C1RL: variants seen among roughly 807,000 people sequenced by gnomAD.
The protein encoded by C1RL is complement C1r subcomponent like.
Under a neutral mutation model 27.9 loss-of-function variants are expected in C1RL, and 27 were observed. The observed-to-expected ratio is 0.97, with a 90% CI of 0.71 to 1.33. The LOEUF (loss-of-function observed/expected upper bound fraction) is 1.33. C1RL is among the 40% of genes most tolerant of loss of function. The probability of loss-of-function intolerance (pLI) is 0.00; values close to 1 mark genes in which losing one functional copy is unlikely to be tolerated. For missense variants in C1RL, 563 were observed against 623.9 expected, an observed-to-expected ratio of 0.90 and a Z score of 1.04; for synonymous variants, 248 against 252.1, an observed-to-expected ratio of 0.98 and a Z score of 0.15.
In C1RL at chr12:7,096,358, T is replaced by G; in HGVS notation, c.*33A>C. ...GCCCTCTGTTGCCTGGGGCCTCCACTGTGCTGGTCAGTCCCTGTTCAAGCC... is the reference window on the plus strand; with the variant it reads ...GCCCTCTGTTGCCTGGGGCCTCCACGGTGCTGGTCAGTCCCTGTTCAAGCC... On this transcript the variant is annotated 3_prime_UTR_variant, in exon 6 of 6. Coordinates refer to ENST00000266542, the MANE Select transcript of C1RL (RefSeq NM_016546.4). 7.8e-7 allele frequency: 1 copy of G among 1,275,242 alleles called. No individual in the cohort carries two copies. The highest frequency in any genetic ancestry group is 1.0e-6 in the Non-Finnish European group (1 of 983,494). The allele number at this position is 1,275,242 out of a possible 1,614,324, so 79.0% of individuals were successfully genotyped here. A position where few individuals can be genotyped will look rare whatever the true frequency, so the allele number is the denominator to read the frequency against.
In C1RL at chr12:7,095,510, C is replaced by T. The variant is rs528410196; in HGVS notation, c.*881G>A. The T allele has an allele frequency of 5.0e-5, 49 of 987,554 alleles. No homozygotes were observed. The Admixed American group carries it at 1.1e-3, about 22-fold the overall frequency. 61.2% of individuals were successfully genotyped at this position (987,554 alleles called of 1,614,324 possible). The stretch of plus-strand genomic sequence containing the variant: ...GGCACAGGTGGGGTGTCTGCAAGAA[C>T]TTCAGTCCAGTGCTGGGCTCACCTG... On this transcript the variant is annotated 3_prime_UTR_variant, in exon 6 of 6. Coordinates refer to ENST00000266542, the MANE Select transcript of C1RL (RefSeq NM_016546.4).
rs376313967 is a variant in C1RL, at chr12:7,096,629, C to T, written c.1226G>A (p.Arg409Lys). The change falls in exon 6 of 6, where the codon AGA becomes AAA. Residue 409 changes from arginine to lysine, a missense_variant. By Grantham distance (26) the Arg-to-Lys change is conservative (BLOSUM62 2). Coordinates refer to ENST00000266542, the MANE Select transcript of C1RL (RefSeq NM_016546.4). Reference sequence around the variant, plus strand: ...GTCAGAAAACACCTCGGGTCTCTGTCTCTTTTGGAGCCAGGCGTTGCAGGC... The same window carrying T: ...GTCAGAAAACACCTCGGGTCTCTGTTTCTTTTGGAGCCAGGCGTTGCAGGC... ...REACNAWLQKRQRPEVFSDNM... is the reference protein window; with the variant it reads ...REACNAWLQKKQRPEVFSDNM... 1.4e-5 allele frequency: 22 copies of T among 1,614,018 alleles called. No homozygotes were observed. The African/African-American group carries it at 2.9e-4, about 22-fold the overall frequency.
intron 2 of C1RL, among the ~76,000 whole-genome samples, chr12:7,106,710 A>G (rs528017546): frequency 3.3e-5 from 5 of 152,242 alleles, no homozygotes; most frequent in Non-Finnish European, 7.3e-5. Context: ...AAGCAAAACA[A>G]AAACAAACAC....
intron 2 of C1RL, among the ~76,000 whole-genome samples, chr12:7,105,269 C>CT (rs146287089): frequency 7.6e-4 from 112 of 147,666 alleles, no homozygotes; most frequent in African/African-American, 1.5e-3. Flanking sequence ...GTGCTCCACT[C>CT]TTTTTTTTTT....
At position 7,096,002 on chromosome 12, in the gene C1RL, A is replaced by G; in HGVS notation, c.*389T>C. On this transcript the variant is annotated 3_prime_UTR_variant, in exon 6 of 6. Coordinates refer to ENST00000266542, the MANE Select transcript of C1RL (RefSeq NM_016546.4). ...ATGCAATGAAAACCCCTTCCTCCAT[A>G]CTCTAATAGCGGGTGAGTAGCTGAC... 2 of 1,009,166 alleles carry G rather than the reference A, an allele frequency of 2.0e-6. No individual in the cohort carries two copies. Among genetic ancestry groups the G allele is most frequent in the Non-Finnish European group, 2.4e-6 (2 of 846,708 alleles). 62.5% of individuals were successfully genotyped at this position (1,009,166 alleles called of 1,614,324 possible).
chr12:7,094,996 C>T lies in C1RL; in HGVS notation c.*1395G>A. On this transcript the variant is annotated 3_prime_UTR_variant, in exon 6 of 6. Coordinates refer to ENST00000266542, the MANE Select transcript of C1RL (RefSeq NM_016546.4). ...TTTAGAGATAAATTTAACCTTTGAC[C>T]ATATAGCAACTTGACTCTTGATGCT... 1 of 1,108,952 alleles carries T rather than the reference C, an allele frequency of 9.0e-7. No homozygotes were observed. Among genetic ancestry groups the T allele is most frequent in the Non-Finnish European group, 1.1e-6 (1 of 901,212 alleles). 68.7% of individuals were successfully genotyped at this position (1,108,952 alleles called of 1,614,324 possible). A position where few individuals can be genotyped will look rare whatever the true frequency, so the allele number is the denominator to read the frequency against.
chr12:7,101,718 C>T, intron 3 of C1RL, 180 bp downstream of exon 3: 1 of 622,126 alleles, frequency 1.6e-6, no homozygotes, highest in Non-Finnish European at 2.8e-6. Flanking sequence ...GCTGGGGGCT[C>T]AGCTACGGCT....
At position 7,104,624 on chromosome 12, in the gene C1RL, T is replaced by C. The variant is rs566457331; in HGVS notation, c.301-2537A>G. Among the ~76,000 whole-genome samples, 1 of 152,314 alleles carries C rather than the reference T, an allele frequency of 6.6e-6. No individual in the cohort carries two copies. Among genetic ancestry groups the C allele is most frequent in the East Asian group, 1.9e-4 (1 of 5,188 alleles). On this transcript the variant is annotated intron_variant, in intron 2 of 5. Transcript: ENST00000266542. The surrounding 1 kb of genome is among the most constrained non-coding windows in gnomAD (Gnocchi z 5.4). The stretch of plus-strand genomic sequence containing the variant: ...GTGAGTGCGTCCTGAAACAGGATGG[T>C]GTCCTGTCCAGCACTGGTTCATGCC...
Position 7,095,500 on chromosome 12 carries a change from T to C in C1RL, c.*891A>G. ...TGATGATAGGGGCACAGGTGGGGTG[T>C]CTGCAAGAACTTCAGTCCAGTGCTG... is the stretch of plus-strand genomic sequence containing the variant. On this transcript the variant is annotated 3_prime_UTR_variant, in exon 6 of 6. Transcript: ENST00000266542. 1.0e-6 allele frequency: 1 copy of C among 988,224 alleles called. No homozygotes were observed. The highest frequency in any genetic ancestry group is 1.2e-6 in the Non-Finnish European group (1 of 831,526). 61.2% of individuals were successfully genotyped at this position (988,224 alleles called of 1,614,324 possible).
In C1RL at chr12:7,095,765, G is replaced by A. The variant is rs1938407354; in HGVS notation, c.*626C>T. 7 of 768,552 alleles carry A rather than the reference G, an allele frequency of 9.1e-6. No individual in the cohort carries two copies. The highest frequency in any genetic ancestry group is 1.1e-5 in the Non-Finnish European group (7 of 632,224). The allele number at this position is 768,552 out of a possible 1,614,324, so 47.6% of individuals were successfully genotyped here. A position where few individuals can be genotyped will look rare whatever the true frequency, so the allele number is the denominator to read the frequency against. On this transcript the variant is annotated 3_prime_UTR_variant, in exon 6 of 6. Coordinates refer to ENST00000266542, the MANE Select transcript of C1RL (RefSeq NM_016546.4). ...ACTTGGGCAAGTCCCTTTATCCCCT[G>A]AGCCTCAGTTTCCTCATTTGTCACA...
chr12:7,096,547 A>G lies in C1RL; in HGVS notation c.1308T>C (p.Ser436=), dbSNP rs76391175. 18 of 1,614,006 alleles carry G rather than the reference A, an allele frequency of 1.1e-5. No individual in the cohort carries two copies. Among genetic ancestry groups the G allele is most frequent in the Non-Finnish European group, 1.1e-5 (13 of 1,180,038 alleles). ...TGTCCCATACCACATAGACGCTGCCACTGTCCCCCTGGCAGACACTGTGCC... is the reference window on the plus strand; with the variant it reads ...TGTCCCATACCACATAGACGCTGCCGCTGTCCCCCTGGCAGACACTGTGCC... ...TQRHSVCQGD[S]GSVYVVWDNH... is the part of the protein sequence containing the mutation. The change falls in exon 6 of 6, where the codon AGT becomes AGC. Residue 436 remains serine (S), a synonymous_variant. Transcript: ENST00000266542.
chr12:7,096,397 C>T lies in C1RL; in HGVS notation c.1458G>A (p.Lys486=). ...CCTGTTCAAGCCCCCAGGGTCAATT[C>T]TTGCCATTCATCACTCCCTTGATCC... ...VDWIKGVMNG[K]N is the part of the protein sequence containing the mutation. Residue 486 remains lysine, a synonymous_variant, in exon 6 of 6, where the codon AAG becomes AAA. Coordinates refer to ENST00000266542, the MANE Select transcript of C1RL (RefSeq NM_016546.4). The T allele has an allele frequency of 6.5e-7, 1 of 1,548,368 alleles. No homozygotes were observed.
chr12:7,097,237 G>T, intron 5 of C1RL, 74 bp from the exon 6 acceptor site: 3 of 1,374,398 alleles, frequency 2.2e-6, no homozygotes, highest in Non-Finnish European at 3.0e-6. Context: ...CTGCTTCTCT[G>T]AAGTGCTGTG....
In C1RL at chr12:7,101,943, T is replaced by C. The variant is rs751730040; in HGVS notation, c.445A>G (p.Thr149Ala). Residue 149 changes from threonine (T) to alanine (A), a missense_variant, in exon 3 of 6, where the codon ACT becomes GCT. Physicochemically the swap from Thr to Ala is moderately conservative, Grantham distance 58. Coordinates refer to ENST00000266542, the MANE Select transcript of C1RL (RefSeq NM_016546.4). ...AGGAAGCCCTTGTGGAGGTGGGCAG[T>C]CTTGTTCTCCGAGGAAGGCTGTGTG... is the stretch of plus-strand genomic sequence containing the variant. Reference protein sequence around the residue: ...FRTQPSSENKTAHLHKGFLAL... With the variant: ...FRTQPSSENKAAHLHKGFLAL... The C allele has an allele frequency of 5.6e-6, 9 of 1,614,068 alleles. No homozygotes were observed. The Admixed American group carries it at 1.5e-4, about 27-fold the overall frequency.
chr12:7,108,516 G>A (rs752234367), intron 1 of C1RL, 37 bp from the exon 2 acceptor site: 3 of 1,514,034 alleles, frequency 2.0e-6, no homozygotes, highest in Non-Finnish European at 2.7e-6. Context: ...GGGCCGCGCA[G>A]CTATGGCCGG....
rs1168859630 is a variant in C1RL, at chr12:7,108,435, C to A, written c.116G>T (p.Arg39Leu). 4 of 1,611,498 alleles carry A rather than the reference C, an allele frequency of 2.5e-6. No homozygotes were observed. The highest frequency in any genetic ancestry group is 1.7e-6 in the Non-Finnish European group (2 of 1,178,530). ...CTCTTGGGCCAAGAGGACGGAGCCC[C>A]GGGTTGGGCAAGCCTGGAGGACTCC... ...LWGVLQACPT[R>L]GSVLLAQELP... Residue 39 changes from arginine to leucine, a missense_variant, in exon 2 of 6, where the codon CGG becomes CTG. By Grantham distance (102) the Arg-to-Leu change is moderately radical. Transcript: ENST00000266542.
chr12:7,097,248 G>A (rs1938473936), intron 5 of C1RL, 85 bp from the exon 6 acceptor site: 1 of 1,273,686 alleles, frequency 7.9e-7, no homozygotes, highest in Non-Finnish European at 1.1e-6. Context: ...AAGTGCTGTG[G>A]TAGGGGACGC....
intron 3 of C1RL, among the ~76,000 whole-genome samples, chr12:7,101,112 TCCCTCCCTCCCTCCTTCTTCCC>T (rs1938608856): frequency 9.5e-5 from 1 of 10,560 alleles, no homozygotes. Context: ...CTTCCTTCCC[TCCCTCCCTCCCTCCTTCTTCCC>T]TCCCTCCCTC....
At chr12:7,102,427 C>T (rs893569408) in intron 2 of C1RL, among the ~76,000 whole-genome samples, 1 of 152,206 alleles carries the variant, frequency 6.6e-6, no homozygotes, top group African/African-American at 2.4e-5. Context: ...AAGGCAAGGA[C>T]TACTTCTGTC....
Sources: allele counts gnomAD v4.1 joint callset (sites outside exome capture counted in the v4.1 genomes callset), GRCh38; gene constraint gnomAD v4.1.1; non-coding constraint Gnocchi (gnomAD v3.1); transcripts MANE v1.5; gene names NCBI Gene and HGNC (gene_info 2026-07-23, HGNC 2026-07-21).